The following MUS81 variants were observed in gnomAD, a reference collection of about 807,000 sequenced individuals.
MUS81 encodes MUS81 structure-specific endonuclease subunit.
In MUS81, 69 loss-of-function variants were observed where a neutral mutation model predicts 74.2. The observed-to-expected ratio is 0.93, with a 90% CI of 0.77 to 1.14. The LOEUF (loss-of-function observed/expected upper bound fraction) is 1.14, where lower values mean the gene tolerates loss of function less well. Ranked by LOEUF, MUS81 falls within the 50% of genes most tolerant of loss-of-function variation. The pLI, the probability that MUS81 is intolerant of heterozygous loss-of-function variation, is 0.00. For missense variants in MUS81, 711 were observed against 726.5 expected (o/e 0.98, Z 0.25); for synonymous variants, 303 against 300.6 (o/e 1.01, Z -0.08).
intron 6 of MUS81, 109 bp from the exon 7 acceptor site, chr11:65,862,956 G>A (rs1427557850): frequency 4.1e-6 from 6 of 1,445,844 alleles, no homozygotes; most frequent in Non-Finnish European, 5.8e-6. Context: ...GGGGTCATTT[G>A]TGCAGGGCGC....
Position 65,865,228 on chromosome 11 carries a change from G to T in MUS81, c.1410G>T (p.Ser470=), listed in dbSNP as rs749479231. The T allele has an allele frequency of 6.2e-7, 1 of 1,614,124 alleles. No individual in the cohort carries two copies. The highest frequency in any genetic ancestry group is 8.5e-7 in the Non-Finnish European group (1 of 1,179,998). The change falls in exon 14 of 16, where the codon TCG becomes TCT. Residue 470 remains serine, a synonymous_variant. Transcript: ENST00000308110. The part of the protein sequence containing the change: ...NAGAIKNKAQ[S]VREVFARQLM... ...CCCTTTCCCGAACCCAGGCCCAGTC[G>T]GTGCGAGAAGTGTTTGCCCGGCAGC...
chr11:65,861,216 G>T (rs1188393810), intron 2 of MUS81, 114 bp downstream of exon 2: 2 of 1,566,508 alleles, frequency 1.3e-6, no homozygotes, highest in Admixed American at 3.7e-5. Context: ...GTTGCCGTTC[G>T]GCCTAGGGCT....
chr11:65,864,582 G>A lies in MUS81; in HGVS notation c.1145G>A (p.Ser382Asn). ...GSVHNLSLPESTLLQAVTNTQ... is the reference protein window; with the variant it reads ...GSVHNLSLPENTLLQAVTNTQ... ...GTCCACAACCTCAGCCTTCCTGAGA[G>A]CACACTGCTGCAGGCTGTCACCAAC... Residue 382 changes from serine (S) to asparagine (N), a missense_variant, in exon 11 of 16, where the codon AGC becomes AAC. Ser to Asn is a conservative substitution (Grantham distance 46, BLOSUM62 1). Transcript: ENST00000308110. 1 of 1,614,178 alleles carries A rather than the reference G, an allele frequency of 6.2e-7. No homozygotes were observed. Among genetic ancestry groups the A allele is most frequent in the Non-Finnish European group, 8.5e-7 (1 of 1,180,028 alleles).
Position 65,864,778 on chromosome 11 carries a change from T to TGGCCCG in MUS81, c.1240_1241insGGGCCC (p.Ala413_Leu414insArgAla). On this transcript the variant is annotated inframe_insertion, in exon 12 of 16. Coordinates refer to ENST00000308110, the MANE Select transcript of MUS81 (RefSeq NM_025128.5). The stretch of plus-strand genomic sequence containing the variant: ...GACATTAAGGAGTCAGCCGCCTACC[T>TGGCCCG]GGCCCTCTTGACGCGGGGCCTGCAG... The TGGCCCG allele has an allele frequency of 6.2e-7, 1 of 1,613,918 alleles. No homozygotes were observed. The highest frequency in any genetic ancestry group is 1.1e-5 in the South Asian group (1 of 91,086).
Position 65,866,306 on chromosome 11 carries a change from G to A in MUS81, c.*254G>A. On this transcript the variant is annotated 3_prime_UTR_variant, in exon 16 of 16. Coordinates refer to ENST00000308110, the MANE Select transcript of MUS81 (RefSeq NM_025128.5). ...AGGGAGATGGAGTCAGTGGGGCATT[G>A]CAGCTTGGAATCTATTTTATGTCAC... 1.7e-6 allele frequency: 1 copy of A among 599,650 alleles called. No individual in the cohort carries two copies. The highest frequency in any genetic ancestry group is 3.0e-5 in the Admixed American group (1 of 33,654). The allele number at this position is 599,650 out of a possible 1,614,324, so 37.1% of individuals were successfully genotyped here.
At chr11:65,867,321 C>A (rs1342595120), downstream of MUS81, 2 of 579,112 alleles carry the variant, frequency 3.5e-6, no homozygotes, top group African/African-American at 3.7e-5. Flanking sequence ...TCTGTCTGAC[C>A]CAGGCTAACT....
rs1859837804 is a variant in MUS81, at chr11:65,866,380, T to C, written c.*328T>C. The stretch of plus-strand genomic sequence containing the variant: ...TTTCCTTAGGAGTGCAGAGGGCTCA[T>C]TGGGAAAATAAAAATAATAAAAATA... On this transcript the variant is annotated 3_prime_UTR_variant, in exon 16 of 16. Coordinates refer to ENST00000308110, the MANE Select transcript of MUS81 (RefSeq NM_025128.5). 6 of 630,594 alleles carry C rather than the reference T, an allele frequency of 9.5e-6. No individual in the cohort carries two copies. Among genetic ancestry groups the C allele is most frequent in the Admixed American group, 8.4e-5 (3 of 35,754 alleles). The allele number at this position is 630,594 out of a possible 1,614,324, so 39.1% of individuals were successfully genotyped here.
intron 7 of MUS81, 88 bp downstream of exon 7, chr11:65,863,293 C>T: frequency 6.3e-7 from 1 of 1,579,072 alleles, no homozygotes; most frequent in Non-Finnish European, 8.6e-7. Flanking sequence ...TCACCTGCAG[C>T]TGAACTGTGG....
rs760397816 is a variant in MUS81 at position 65,862,217 on chromosome 11, A to G, written c.457A>G (p.Asn153Asp). Reference sequence around the variant, plus strand: ...TTTTCTACCTTGGTTTCAGAATCCTAATGGTCACCACTTCTTAACCAAGGA... The same window carrying G: ...TTTTCTACCTTGGTTTCAGAATCCTGATGGTCACCACTTCTTAACCAAGGA... ...LVLYREHLNP[N>D]GHHFLTKEEL... Residue 153 changes from asparagine to aspartate, a missense_variant, in exon 5 of 16, where the codon AAT becomes GAT. Transcript: ENST00000308110. 3 of 1,613,566 alleles carry G rather than the reference A, an allele frequency of 1.9e-6. No individual in the cohort carries two copies. Among genetic ancestry groups the G allele is most frequent in the Non-Finnish European group, 2.5e-6 (3 of 1,179,982 alleles).
intron 14 of MUS81, 70 bp downstream of exon 14, chr11:65,865,393 G>A: frequency 2.1e-6 from 3 of 1,459,566 alleles, no homozygotes; most frequent in Non-Finnish European, 2.8e-6. Context: ...CTTAATCCAT[G>A]CTTCGTGGAG....
downstream of MUS81, chr11:65,866,794 A>G (rs537197894): frequency 7.2e-6 from 9 of 1,255,630 alleles, no homozygotes; most frequent in East Asian, 7.6e-5. Flanking sequence ...GGCTTCCTGC[A>G]GTGTGACCCG....
Position 65,864,719 on chromosome 11 carries a change from G to A in MUS81, c.1177-1G>A. ...TCCCTCTCTTGGGTCCTCTTCCCCA[G>A]GTCATTGATGGCTTTTTTGTGAAGC... On this transcript the variant is annotated splice_acceptor_variant, in intron 11 of 15. Transcript: ENST00000308110. LOFTEE classifies it high-confidence loss of function. 1.2e-6 allele frequency: 2 copies of A among 1,614,114 alleles called. No individual in the cohort carries two copies. The highest frequency in any genetic ancestry group is 2.2e-5 in the East Asian group (1 of 44,882).
At chr11:65,862,572 T>C in intron 6 of MUS81, 43 bp downstream of exon 6, 3 of 1,569,686 alleles carry the variant, frequency 1.9e-6, no homozygotes, top group Non-Finnish European at 2.6e-6. Flanking sequence ...TGAGTGAACT[T>C]CTTAGTAGGG....
At position 65,862,246 on chromosome 11, in the gene MUS81, G is replaced by A. The variant is rs377512868; in HGVS notation, c.486G>A (p.Glu162=). 4.3e-6 allele frequency: 7 copies of A among 1,613,692 alleles called. No homozygotes were observed. In the African/African-American group the frequency reaches 5.3e-5, roughly 12 times the overall value. The change falls in exon 5 of 16, where the codon GAG becomes GAA. Residue 162 remains glutamate, a synonymous_variant. Transcript: ENST00000308110. The part of the protein sequence containing the change: ...PNGHHFLTKE[E]LLQRCAQKSP... ...GTCACCACTTCTTAACCAAGGAGGA[G>A]CTGCTGCAGAGGTGTGCTCAGAAGT...
intron 3 of MUS81, 67 bp from the exon 4 acceptor site, chr11:65,861,880 C>T: frequency 7.7e-7 from 1 of 1,301,708 alleles, no homozygotes; most frequent in Admixed American, 2.2e-5. Flanking sequence ...GGCCACAAAG[C>T]CTGCTGGGGA....
At chr11:65,867,586 A>G (rs1288518193), downstream of MUS81, 4 of 517,060 alleles carry the variant, frequency 7.7e-6, no homozygotes, top group Non-Finnish European at 1.4e-5. Flanking sequence ...GGCCCTGCAC[A>G]CGCCATTCCC....
rs1255504092 is a variant in MUS81 at position 65,863,168 on chromosome 11, G to A, written c.709G>A (p.Glu237Lys). 2 of 1,613,940 alleles carry A rather than the reference G, an allele frequency of 1.2e-6. No individual in the cohort carries two copies. The highest frequency in any genetic ancestry group is 2.2e-5 in the South Asian group (2 of 91,074). ...VGIGPKEPPG[E>K]ETAVPGAASA... ...CATCGGGCCCAAGGAGCCCCCTGGG[G>A]AGGAGACAGCAGTGCCAGGAGCAGC... Residue 237 changes from glutamate (E) to lysine (K), a missense_variant, in exon 7 of 16, where the codon GAG (glutamate) becomes AAG (lysine). By Grantham distance (56) the Glu-to-Lys change is moderately conservative. Coordinates refer to ENST00000308110, the MANE Select transcript of MUS81 (RefSeq NM_025128.5).
At position 65,863,731 on chromosome 11, in the gene MUS81, C is replaced by T. The variant is rs775721454; in HGVS notation, c.961+10C>T. ...AATCCTAGAGACCCAGGTGAAGGGC[C>T]GTGGACAGGCTGGCACCAGGGGCAG... On this transcript the variant is annotated intron_variant, in intron 9 of 15. Coordinates refer to ENST00000308110, the MANE Select transcript of MUS81 (RefSeq NM_025128.5). The T allele has an allele frequency of 6.2e-6, 10 of 1,613,972 alleles. No individual in the cohort carries two copies. The highest frequency in any genetic ancestry group is 4.4e-5 in the South Asian group (4 of 91,076).
rs774672155 is a variant in MUS81 at position 65,861,444 on chromosome 11, G to A, written c.351+9G>A. On this transcript the variant is annotated intron_variant, in intron 3 of 15. Coordinates refer to ENST00000308110, the MANE Select transcript of MUS81 (RefSeq NM_025128.5). ...AGGACTCTTCCATGCCAGTGAGGAA[G>A]GGGCAAGGGGAGTGGAAGGCAAAGT... 1 of 1,589,734 alleles carries A rather than the reference G, an allele frequency of 6.3e-7. No individual in the cohort carries two copies. The highest frequency in any genetic ancestry group is 1.1e-5 in the South Asian group (1 of 88,232).
Sources: gnomAD v4.1 joint callset for allele counts on GRCh38, gnomAD v4.1.1 for gene constraint, MANE v1.5 for transcripts, NCBI Gene and HGNC (gene_info 2026-07-23, HGNC 2026-07-21) for gene names.